The following MCC variants were observed in gnomAD, a reference collection of about 807,000 sequenced individuals.
MCC encodes colorectal mutant cancer protein.
Under a neutral mutation model 116.2 loss-of-function variants are expected in MCC, and 90 were observed. The observed-to-expected ratio is 0.77, with a 90% confidence interval of 0.65 to 0.92. The LOEUF (loss-of-function observed/expected upper bound fraction) is 0.92, where lower values mean the gene tolerates loss of function less well. Among genes scored for constraint, MCC ranks in the 40% least tolerant of loss-of-function variants. The pLI, the probability that MCC is intolerant of heterozygous loss-of-function variation, is 0.00. For missense variants in MCC, 1,516 were observed against 1,312.2 expected (o/e 1.16, Z -2.40); for synonymous variants, 578 against 510.5 (o/e 1.13, Z -1.78).
In MCC at chr5:113,248,235, T is replaced by TAAAA. The variant is rs10574369; in HGVS notation, c.627+92280_627+92283dup. Among the ~76,000 whole-genome samples the TAAAA allele has an allele frequency of 3.7e-5, 5 of 133,554 alleles. No individual in the cohort carries two copies. The South Asian group carries it at 1.2e-3, about 33-fold the overall frequency. The allele number at this position is 133,554 out of a possible 152,430, so 87.6% of individuals were successfully genotyped here. ...TCAAGAGTGAGACCTTGTATCTATT[T>TAAAA]AAAAAAAAAAAAAAAAAAAAGATCA... On this transcript the variant is annotated intron_variant, in intron 3 of 18. Transcript: ENST00000408903.
At chr5:113,348,265 C>A (rs1469046424) in intron 2 of MCC, among the ~76,000 whole-genome samples, 1 of 152,054 alleles carries the variant, frequency 6.6e-6, no homozygotes, top group Non-Finnish European at 1.5e-5. Context: ...GATACACATT[C>A]TTCTCCTCAG....
chr5:113,124,157 T>G (rs1227644733), intron 5 of MCC, among the ~76,000 whole-genome samples: 1 of 152,182 alleles, frequency 6.6e-6, no homozygotes, highest in African/African-American at 2.4e-5. Flanking sequence ...CCCCATGACA[T>G]GGAAAATATG....
intron 1 of MCC, among the ~76,000 whole-genome samples, chr5:113,479,448 C>T (rs1772315335): frequency 6.6e-6 from 1 of 152,040 alleles, no homozygotes; most frequent in South Asian, 2.1e-4. Context: ...AAATGGGTTC[C>T]TTTTATTGCA....
chr5:113,044,915 C>A (rs115434844), intron 16 of MCC, among the ~76,000 whole-genome samples: 5 of 152,140 alleles, frequency 3.3e-5, no homozygotes, highest in African/African-American at 2.4e-5. Context: ...CAGAGAGGCA[C>A]GAATTCAGTG....
chr5:113,359,964 A>T (rs538798664), intron 2 of MCC, among the ~76,000 whole-genome samples: 2 of 152,298 alleles, frequency 1.3e-5, no homozygotes, highest in East Asian at 3.9e-4. Context: ...CTTACAAGGC[A>T]TATTAATGGA....
At chr5:113,473,619 TA>T (rs938271792) in intron 1 of MCC, among the ~76,000 whole-genome samples, 3 of 152,166 alleles carry the variant, frequency 2.0e-5, no homozygotes, top group Non-Finnish European at 4.4e-5. Context: ...AATACAAAAT[TA>T]TGAGTAGTTT....
intron 3 of MCC, chr5:113,323,148 C>G (rs1767468180): frequency 6.6e-6 from 1 of 152,338 alleles, no homozygotes; most frequent in South Asian, 2.1e-4. Flanking sequence ...GGCAGATTCT[C>G]CAGCCTTGGT....
intron 8 of MCC, among the ~76,000 whole-genome samples, chr5:113,090,590 T>C (rs1421943086): frequency 6.6e-6 from 1 of 152,108 alleles, no homozygotes; most frequent in East Asian, 1.9e-4. Context: ...AGAGCACTGA[T>C]GAAAGACACA....
At chr5:113,421,276 T>G (rs760503919) in intron 1 of MCC, among the ~76,000 whole-genome samples, 13 of 152,062 alleles carry the variant, frequency 8.5e-5, no homozygotes, top group Non-Finnish European at 1.9e-4. Flanking sequence ...TCTGCCCGCC[T>G]GGACTCCCAA....
intron 1 of MCC, among the ~76,000 whole-genome samples, chr5:113,432,338 A>G (rs979092807): frequency 5.3e-5 from 8 of 151,432 alleles, no homozygotes; most frequent in East Asian, 1.9e-4. Flanking sequence ...AAAAAAAAAA[A>G]AAAAAGAAAA....
chr5:113,172,456 A>C (rs1270158611), intron 3 of MCC, among the ~76,000 whole-genome samples: 1 of 141,866 alleles, frequency 7.0e-6, no homozygotes, highest in Non-Finnish European at 1.6e-5. Context: ...TTTACAGCTG[A>C]AAACTCTACT....
chr5:113,122,644 A>G (rs774423400), intron 6 of MCC, 40 bp downstream of exon 6: 6 of 1,602,596 alleles, frequency 3.7e-6, no homozygotes, highest in Non-Finnish European at 5.1e-6. Flanking sequence ...ACAATCCAGA[A>G]ACCAAACTCT....
intron 2 of MCC, among the ~76,000 whole-genome samples, chr5:113,347,145 A>G (rs770890759): frequency 9.9e-5 from 15 of 152,186 alleles, no homozygotes; most frequent in Non-Finnish European, 1.8e-4. Flanking sequence ...TCATCTGAAG[A>G]TATAAAACTC....
At chr5:113,219,512 C>T (rs1174837286) in intron 3 of MCC, among the ~76,000 whole-genome samples, 2 of 152,148 alleles carry the variant, frequency 1.3e-5, no homozygotes, top group Non-Finnish European at 2.9e-5. Flanking sequence ...GATGTTAAAA[C>T]AGGATCTCAA....
intron 3 of MCC, among the ~76,000 whole-genome samples, chr5:113,329,437 T>C (rs1210039192): frequency 1.3e-5 from 2 of 151,320 alleles, no homozygotes; most frequent in Non-Finnish European, 2.9e-5. Flanking sequence ...TATACACACA[T>C]ACATATATAC....
At chr5:113,094,373 G>A (rs1489917983) in intron 8 of MCC, among the ~76,000 whole-genome samples, 2 of 149,366 alleles carry the variant, frequency 1.3e-5, no homozygotes, top group Non-Finnish European at 3.0e-5. Context: ...GTACCTGGAT[G>A]TGTTATAAAA....
chr5:113,415,152 G>T (rs1770107413), intron 1 of MCC, among the ~76,000 whole-genome samples: 1 of 152,170 alleles, frequency 6.6e-6, no homozygotes, highest in Admixed American at 6.5e-5. Flanking sequence ...AGTCTGATGG[G>T]CTTCCCTTTG....
chr5:113,273,102 AAAAT>A (rs1476598644), intron 3 of MCC, among the ~76,000 whole-genome samples: 3 of 152,272 alleles, frequency 2.0e-5, no homozygotes, highest in African/African-American at 7.2e-5. Flanking sequence ...ACTAGAAAGA[AAAAT>A]AAAAGAATAT....
intron 3 of MCC, among the ~76,000 whole-genome samples, chr5:113,226,969 C>CA (rs773559696): frequency 6.6e-6 from 1 of 152,176 alleles, no homozygotes; most frequent in Non-Finnish European, 1.5e-5. Context: ...TTGTATATTA[C>CA]TGTGAACAAT....
Sources: allele counts gnomAD v4.1 joint callset (sites outside exome capture counted in the v4.1 genomes callset), GRCh38; gene constraint gnomAD v4.1.1; transcripts MANE v1.5; gene names NCBI Gene and HGNC (gene_info 2026-07-23, HGNC 2026-07-21).